Variants in SMC5 observed in about 807,000 individuals in gnomAD.
SMC5 encodes the protein structural maintenance of chromosomes 5, also known as structural maintenance of chromosomes protein 5.
A neutral mutation model predicts 148.3 loss-of-function variants in SMC5; 88 were observed. The ratio of observed to expected loss-of-function variants is 0.59; its 90% CI spans 0.50 to 0.71. SMC5 has a LOEUF of 0.71. Among genes scored for constraint, SMC5 ranks in the 30% least tolerant of loss-of-function variants. SMC5 has a pLI of 0.00. For missense variants in SMC5, 1,142 were observed against 1,298.9 expected (o/e 0.88, Z 1.86); for synonymous variants, 421 against 432.8 (o/e 0.97, Z 0.34).
chr9:70,297,059 C>G (rs66756859), intron 8 of SMC5, among the ~76,000 whole-genome samples: 15,675 of 152,130 alleles, frequency 0.1, 1,051 homozygotes, highest in African/African-American at 0.19. Context: ...ATCCAAAATA[C>G]TTGGGACCAG....
chr9:70,296,633 A>G (rs1009373141), intron 8 of SMC5, among the ~76,000 whole-genome samples: 1 of 152,218 alleles, frequency 6.6e-6, no homozygotes, highest in Non-Finnish European at 1.5e-5. Flanking sequence ...ATTTTCAGTA[A>G]TGAATGCATT....
chr9:70,285,746 G>A (rs2034881074), intron 7 of SMC5, among the ~76,000 whole-genome samples: 1 of 152,186 alleles, frequency 6.6e-6, no homozygotes, highest in Non-Finnish European at 1.5e-5. Context: ...AATATGTCAT[G>A]TATGTGTTTT....
chr9:70,350,562 C>A, intron 24 of SMC5, 91 bp downstream of exon 24: 1 of 746,624 alleles, frequency 1.3e-6, no homozygotes, highest in Non-Finnish European at 2.1e-6. Context: ...CACATATTAG[C>A]AGGAACACTC....
At chr9:70,298,259 T>A in intron 9 of SMC5, 38 bp downstream of exon 9, 1 of 1,572,812 alleles carries the variant, frequency 6.4e-7, no homozygotes, top group Non-Finnish European at 8.6e-7. Context: ...GTTTATAAAA[T>A]GTAGATACAT....
intron 18 of SMC5, chr9:70,346,370 G>T: frequency 1.8e-6 from 1 of 565,668 alleles, no homozygotes; most frequent in Non-Finnish European, 3.1e-6. Flanking sequence ...TATAGCCTTT[G>T]CAGGTTGTGC....
chr9:70,264,184 AC>A (rs2034212413), intron 1 of SMC5, 119 bp from the exon 2 acceptor site: 5 of 833,486 alleles, frequency 6.0e-6, no homozygotes, highest in Non-Finnish European at 8.6e-6. Flanking sequence ...CTATAAAAAA[AC>A]ATTAAATTTG....
In SMC5 at chr9:70,272,095, C is replaced by T. The variant is rs777341231; in HGVS notation, c.380+4120C>T. Reference sequence around the variant, plus strand: ...ATCAGTTAAGTGACTAATAGAACAACGCTATGAGAGATGATAGCTTATGAT... The same window carrying T: ...ATCAGTTAAGTGACTAATAGAACAATGCTATGAGAGATGATAGCTTATGAT... On this transcript the variant is annotated intron_variant, in intron 3 of 24. Coordinates refer to ENST00000361138, the MANE Select transcript of SMC5 (RefSeq NM_015110.4). Among the ~76,000 whole-genome samples the T allele has an allele frequency of 1.2e-4, 19 of 152,278 alleles. 1 individual carries two copies. The highest frequency in any genetic ancestry group is 1.0e-3 in the South Asian group (5 of 4,826).
chr9:70,347,150 C>G lies in SMC5; in HGVS notation c.2653C>G (p.Leu885Val). 1 of 1,613,596 alleles carries G rather than the reference C, an allele frequency of 6.2e-7. No homozygotes were observed. Among genetic ancestry groups the G allele is most frequent in the South Asian group, 1.1e-5 (1 of 91,068 alleles). The change falls in exon 20 of 25, where the codon CTG becomes GTG. Residue 885 changes from leucine (L) to valine (V), a missense_variant. By Grantham distance (32) the Leu-to-Val change is conservative (BLOSUM62 1). Coordinates refer to ENST00000361138, the MANE Select transcript of SMC5 (RefSeq NM_015110.4). ...ATCAAGAGCTTCCTGCTTCACGGGACTGAATCCTACAGTATGCCTGTTTCT... is the reference window on the plus strand; with the variant it reads ...ATCAAGAGCTTCCTGCTTCACGGGAGTGAATCCTACAGTATGCCTGTTTCT... Reference protein sequence around the residue: ...ERSRASCFTGLNPTIVQEYTK... With the variant: ...ERSRASCFTGVNPTIVQEYTK...
chr9:70,258,986 C>T lies in SMC5; in HGVS notation c.-93C>T. ...CGGTAACAGTTCGCGGCAGTTCGCG[C>T]GGGAGCGGGGCGCCTGGGTGGATGG... is the stretch of plus-strand genomic sequence containing the variant. On this transcript the variant is annotated 5_prime_UTR_variant, in exon 1 of 25. Coordinates refer to ENST00000361138, the MANE Select transcript of SMC5 (RefSeq NM_015110.4). 3 of 1,413,648 alleles carry T rather than the reference C, an allele frequency of 2.1e-6. No homozygotes were observed. The highest frequency in any genetic ancestry group is 1.5e-5 in the South Asian group (1 of 67,302). The allele number at this position is 1,413,648 out of a possible 1,614,324, so 87.6% of individuals were successfully genotyped here. A position where few individuals can be genotyped will look rare whatever the true frequency, so the allele number is the denominator to read the frequency against.
At position 70,290,270 on chromosome 9, in the gene SMC5, T is replaced by G. The variant is rs1343783118; in HGVS notation, c.1053+3999T>G. On this transcript the variant is annotated intron_variant, in intron 8 of 24. Transcript: ENST00000361138. Reference sequence around the variant, plus strand: ...TGACTAAAGTTTCATCCTTTTACTTTAAGCCTATTTGTGTCTTTGAATCTA... The same window carrying G: ...TGACTAAAGTTTCATCCTTTTACTTGAAGCCTATTTGTGTCTTTGAATCTA... Among the ~76,000 whole-genome samples, 3 of 152,234 alleles carry G rather than the reference T, an allele frequency of 2.0e-5. No individual in the cohort carries two copies. In the South Asian group the frequency reaches 6.2e-4, roughly 32 times the overall value.
intron 6 of SMC5, 110 bp from the exon 7 acceptor site, chr9:70,282,312 A>G (rs1461919679): frequency 2.6e-6 from 3 of 1,138,884 alleles, no homozygotes; most frequent in East Asian, 2.8e-5. Context: ...ACCTGTTTTG[A>G]TATCAAAACA....
intron 17 of SMC5, among the ~76,000 whole-genome samples, chr9:70,339,631 C>T (rs1440638757): frequency 6.6e-6 from 1 of 152,096 alleles, no homozygotes; most frequent in Non-Finnish European, 1.5e-5. Flanking sequence ...CCTACTTGTC[C>T]CTTTGAACAC....
rs114488877 is a variant in SMC5 at position 70,327,828 on chromosome 9, G to T, written c.2397+3685G>T. ...GTATCTCTTCTCACACTGCTAAAAA[G>T]AACTACCTGAGACTGGGTAGTTTAT... On this transcript the variant is annotated intron_variant, in intron 17 of 24. Transcript: ENST00000361138. 2.2e-3 allele frequency among the ~76,000 whole-genome samples: 338 copies of T among 152,252 alleles called. 2 individuals carry two copies. Among genetic ancestry groups the T allele is most frequent in the African/African-American group, 7.8e-3 (326 of 41,564 alleles).
intron 8 of SMC5, among the ~76,000 whole-genome samples, chr9:70,294,474 C>CTT (rs1218674807): frequency 3.3e-5 from 5 of 152,144 alleles, no homozygotes; most frequent in Admixed American, 2.6e-4. Context: ...GTCAAGGGAT[C>CTT]TTTCCAAGGG....
Position 70,300,163 on chromosome 9 carries a change from A to G in SMC5, c.1427A>G (p.Lys476Arg). 1 of 1,601,814 alleles carries G rather than the reference A, an allele frequency of 6.2e-7. No individual in the cohort carries two copies. The highest frequency in any genetic ancestry group is 2.3e-5 in the East Asian group (1 of 44,112). Residue 476 changes from lysine to arginine, a missense_variant, in exon 10 of 25, where the codon AAA (lysine) becomes AGA (arginine). By Grantham distance (26) the Lys-to-Arg change is conservative. Coordinates refer to ENST00000361138, the MANE Select transcript of SMC5 (RefSeq NM_015110.4). ...TTATGGCTAAGAAATAACAGAGACA[A>G]ATTTAAACAAAGAGTCTGTGAGCCC... ...AVLWLRNNRD[K>R]FKQRVCEPIM...
chr9:70,292,568 C>T (rs1227039662), intron 8 of SMC5, among the ~76,000 whole-genome samples: 4 of 152,092 alleles, frequency 2.6e-5, no homozygotes, highest in African/African-American at 9.7e-5. Context: ...CTGAAATCTT[C>T]ACCTTATTCT....
At chr9:70,277,110 T>A (rs1407102911) in intron 3 of SMC5, among the ~76,000 whole-genome samples, 200 bp from the exon 4 acceptor site, 1 of 152,174 alleles carries the variant, frequency 6.6e-6, no homozygotes, top group Non-Finnish European at 1.5e-5. Flanking sequence ...GTTGAGTAAG[T>A]AACTGATGTG....
chr9:70,349,187 C>T (rs565629285), intron 22 of SMC5, among the ~76,000 whole-genome samples: 1 of 152,348 alleles, frequency 6.6e-6, no homozygotes, highest in South Asian at 2.1e-4. Context: ...CGGCTTCAGA[C>T]TCCCAAGTAG....
chr9:70,282,355 T>C, intron 6 of SMC5, 67 bp from the exon 7 acceptor site: 6 of 1,447,196 alleles, frequency 4.1e-6, no homozygotes, highest in Non-Finnish European at 5.5e-6. Flanking sequence ...TGCCTGTATC[T>C]TGATTTTTAG....
Sources: gnomAD v4.1 joint callset for allele counts (sites outside exome capture counted in the v4.1 genomes callset) on GRCh38, gnomAD v4.1.1 for gene constraint, MANE v1.5 for transcripts, NCBI Gene and HGNC (gene_info 2026-07-23, HGNC 2026-07-21) for gene names.